Variants in KCNQ1 observed in about 807,000 individuals in gnomAD.
The protein encoded by KCNQ1 is potassium voltage-gated channel subfamily Q member 1, also known as potassium voltage-gated channel subfamily KQT member 1.
In KCNQ1, 49 loss-of-function variants were observed where a neutral mutation model predicts 72.4. The ratio of observed to expected loss-of-function variants is 0.68; its 90% CI spans 0.54 to 0.86. The LOEUF (loss-of-function observed/expected upper bound fraction) is 0.86. Ranked by LOEUF, KCNQ1 falls within the 40% of genes least tolerant of loss-of-function variation. The probability of loss-of-function intolerance (pLI) is 0.00; values close to 1 mark genes in which losing one functional copy is unlikely to be tolerated. For synonymous variants in KCNQ1, 450 were observed against 412.6 expected (o/e 1.09, Z -1.10); for missense variants, 790 against 945.1 (o/e 0.84, Z 2.15).
At chr11:2,525,698 G>A (rs79028763) in intron 1 of KCNQ1, among the ~76,000 whole-genome samples, 120 of 152,354 alleles carry the variant, frequency 7.9e-4, no homozygotes, top group African/African-American at 2.6e-3. Context: ...AGGTGCTCCT[G>A]GGAACCACGT....
At position 2,511,126 on chromosome 11, in the gene KCNQ1, G is replaced by A. The variant is rs142128285; in HGVS notation, c.387-16802G>A. On this transcript the variant is annotated intron_variant, in intron 1 of 15. Coordinates refer to ENST00000155840, the MANE Select transcript of KCNQ1 (RefSeq NM_000218.3). The stretch of plus-strand genomic sequence containing the variant: ...CCCCTGGAGCCCAGCGTGGTGCCAG[G>A]CACACACTACGTGCCTCCTGGGTTG... Among the ~76,000 whole-genome samples, 728 of 152,310 alleles carry A rather than the reference G, an allele frequency of 4.8e-3. 2 individuals are homozygous for A. The highest frequency in any genetic ancestry group is 0.015 in the African/African-American group (606 of 41,562).
chr11:2,645,386 C>T lies in KCNQ1; in HGVS notation c.1394-16575C>T, dbSNP rs991001310. 29 of 398,618 alleles carry T rather than the reference C, an allele frequency of 7.3e-5. No individual in the cohort carries two copies. The highest frequency in any genetic ancestry group is 6.2e-4 in the Middle Eastern group (1 of 1,612). 24.7% of individuals were successfully genotyped at this position (398,618 alleles called of 1,614,324 possible). A position where few individuals can be genotyped will look rare whatever the true frequency, so the allele number is the denominator to read the frequency against. ...GGCACTGGGAGAAAAGAGGGTGGGA[C>T]CAGGCCAGGTGGGCCTGTCCTGAGG... On this transcript the variant is annotated intron_variant, in intron 10 of 15. Coordinates refer to ENST00000155840, the MANE Select transcript of KCNQ1 (RefSeq NM_000218.3). The surrounding 1 kb of genome is among the most constrained non-coding windows in gnomAD (Gnocchi z 5.8).
intron 5 of KCNQ1, among the ~76,000 whole-genome samples, chr11:2,572,595 A>G (rs534101851): frequency 6.6e-6 from 1 of 152,300 alleles, no homozygotes; most frequent in African/African-American, 2.4e-5. Context: ...CAATCAGTGG[A>G]GCCCGCGCCG....
chr11:2,753,462 T>C (rs1279583844), intron 11 of KCNQ1, among the ~76,000 whole-genome samples: 1 of 152,148 alleles, frequency 6.6e-6, no homozygotes, highest in Non-Finnish European at 1.5e-5. Context: ...CCAGGAAAGC[T>C]GGGGATGTCT....
intron 2 of KCNQ1, among the ~76,000 whole-genome samples, chr11:2,545,774 A>G (rs1847895552): frequency 6.6e-6 from 1 of 152,136 alleles, no homozygotes; most frequent in African/African-American, 2.4e-5. Flanking sequence ...GAATATGTTC[A>G]TTTCATCTGG....
At chr11:2,561,991 C>T (rs1005425965) in intron 2 of KCNQ1, among the ~76,000 whole-genome samples, 1 of 152,190 alleles carries the variant, frequency 6.6e-6, no homozygotes, top group Non-Finnish European at 1.5e-5. Context: ...CAGGGTGGCA[C>T]CCCAGCGGTG....
chr11:2,834,153 T>C (rs567435797), intron 15 of KCNQ1, among the ~76,000 whole-genome samples: 12 of 152,058 alleles, frequency 7.9e-5, no homozygotes, highest in Non-Finnish European at 1.6e-4. Context: ...GGTGGTGGCA[T>C]GGTGGGAGTG....
At chr11:2,751,601 T>C (rs1846226354) in intron 11 of KCNQ1, among the ~76,000 whole-genome samples, 2 of 152,232 alleles carry the variant, frequency 1.3e-5, no homozygotes, top group Admixed American at 6.5e-5. Flanking sequence ...TTCTCCCTCT[T>C]TCAAACGGGG....
At chr11:2,804,478 G>A (rs912627240) in intron 15 of KCNQ1, among the ~76,000 whole-genome samples, 2 of 152,252 alleles carry the variant, frequency 1.3e-5, no homozygotes, top group African/African-American at 4.8e-5. Flanking sequence ...AGGGAGGGAT[G>A]GAGGCCGGAA....
rs1215220089 is a variant in KCNQ1, at chr11:2,481,744, GAATCT to G, written c.386+36264_386+36268del. On this transcript the variant is annotated intron_variant, in intron 1 of 15. Coordinates refer to ENST00000155840, the MANE Select transcript of KCNQ1 (RefSeq NM_000218.3). This position sits in a 1 kb window ranked among gnomAD's most constrained non-coding sequence, Gnocchi z 4.6. Reference sequence around the variant, plus strand: ...GATCTAGGTTGCCTCCTCTTTATAAGAATCTAATGCCTGATGATCTGTCACTGTCT... The same window carrying G: ...GATCTAGGTTGCCTCCTCTTTATAAGAATGCCTGATGATCTGTCACTGTCT... 6.6e-6 allele frequency among the ~76,000 whole-genome samples: 1 copy of G among 152,150 alleles called. No individual in the cohort carries two copies. The highest frequency in any genetic ancestry group is 6.5e-5 in the Admixed American group (1 of 15,280).
At chr11:2,520,612 C>G (rs1388434619) in intron 1 of KCNQ1, among the ~76,000 whole-genome samples, 1 of 152,136 alleles carries the variant, frequency 6.6e-6, no homozygotes, top group African/African-American at 2.4e-5. Flanking sequence ...ACCTCTGCCC[C>G]TGGGCGTCCA....
rs1185827343 is a variant in KCNQ1, at chr11:2,691,663, AAC to A, written c.1514+29584_1514+29585del. 2 of 398,422 alleles carry A rather than the reference AAC, an allele frequency of 5.0e-6. No homozygotes were observed. The allele number at this position is 398,422 out of a possible 1,614,324, so 24.7% of individuals were successfully genotyped here. On this transcript the variant is annotated intron_variant, in intron 11 of 15. Transcript: ENST00000155840. The surrounding 1 kb of genome is among the most constrained non-coding windows in gnomAD (Gnocchi z 6.4). ...TTTACCGCCACAGTTCCAAGGGTGA[AAC>A]AGAGAACCAGGTGGGGAAGGGGTCT...
At position 2,799,358 on chromosome 11, in the gene KCNQ1, C is replaced by T. The variant is rs1214210084; in HGVS notation, c.1794+21321C>T. ...TGAAGTGGAATGTGATGTTTAACTTCTGTAGCTGTAAGTTCGAGTGTGTGT... is the reference window on the plus strand; with the variant it reads ...TGAAGTGGAATGTGATGTTTAACTTTTGTAGCTGTAAGTTCGAGTGTGTGT... On this transcript the variant is annotated intron_variant, in intron 15 of 15. Coordinates refer to ENST00000155840, the MANE Select transcript of KCNQ1 (RefSeq NM_000218.3). 4.8e-5 allele frequency among the ~76,000 whole-genome samples: 7 copies of T among 147,270 alleles called. No individual in the cohort carries two copies. The South Asian group carries it at 6.4e-4, about 14-fold the overall frequency.
At chr11:2,727,930 C>T (rs575892390) in intron 11 of KCNQ1, among the ~76,000 whole-genome samples, 2 of 152,092 alleles carry the variant, frequency 1.3e-5, no homozygotes, top group East Asian at 1.9e-4. Flanking sequence ...CCCGGGGCCG[C>T]GCTAGTCAAA....
chr11:2,496,362 G>A (rs867101833), intron 1 of KCNQ1, among the ~76,000 whole-genome samples: 17 of 151,918 alleles, frequency 1.1e-4, no homozygotes, highest in South Asian at 4.2e-4. Flanking sequence ...GCGTGAACCC[G>A]GGAGGTGGAG....
rs35264415 is a variant in KCNQ1, at chr11:2,588,372, C to A, written c.1252-341C>A. 3.2e-3 allele frequency among the ~76,000 whole-genome samples: 486 copies of A among 152,324 alleles called. 2 individuals carry two copies. Among genetic ancestry groups the A allele is most frequent in the Admixed American group, 5.2e-3 (79 of 15,300 alleles). On this transcript the variant is annotated intron_variant, in intron 9 of 15. Coordinates refer to ENST00000155840, the MANE Select transcript of KCNQ1 (RefSeq NM_000218.3). This position sits in a 1 kb window ranked among gnomAD's most constrained non-coding sequence, Gnocchi z 5.6. The stretch of plus-strand genomic sequence containing the variant: ...AGGCGCCCTCTTCATGCCCTGCTGG[C>A]CCCCAGCCTGTTCCCCCGATATGCA...
rs1186303441 is a variant in KCNQ1 at position 2,647,693 on chromosome 11, G to GA, written c.1394-14267dup. 4 of 398,336 alleles carry GA rather than the reference G, an allele frequency of 1.0e-5. No homozygotes were observed. The highest frequency in any genetic ancestry group is 8.2e-5 in the African/African-American group (4 of 48,586). 24.7% of individuals were successfully genotyped at this position (398,336 alleles called of 1,614,324 possible). The stretch of plus-strand genomic sequence containing the variant: ...TCATTCCTTGTTATTGCTCTGTTCA[G>GA]ATTTTTTTTCTTCCTGGTTCAATCT... On this transcript the variant is annotated intron_variant, in intron 10 of 15. Transcript: ENST00000155840. The surrounding 1 kb of genome is among the most constrained non-coding windows in gnomAD (Gnocchi z 4.0).
At chr11:2,445,859 A>T (rs1372693431) in intron 1 of KCNQ1, among the ~76,000 whole-genome samples, 8 of 151,836 alleles carry the variant, frequency 5.3e-5, no homozygotes, top group African/African-American at 1.9e-4. Flanking sequence ...GTCGGCTGAG[A>T]CTCGAGGCTC....
chr11:2,696,203 G>A, intron 11 of KCNQ1: 1 of 398,602 alleles, frequency 2.5e-6, no homozygotes. Context: ...TGGCCCTGGA[G>A]ATTATTCATT....
Sources: gnomAD v4.1 joint callset for allele counts (sites outside exome capture counted in the v4.1 genomes callset) on GRCh38, gnomAD v4.1.1 for gene constraint, Gnocchi (gnomAD v3.1) non-coding constraint, MANE v1.5 for transcripts, NCBI Gene and HGNC (gene_info 2026-07-23, HGNC 2026-07-21) for gene names.